STPG2: variants seen among roughly 807,000 people sequenced by gnomAD.
STPG2 encodes the protein sperm tail PG-rich repeat containing 2, also known as sperm-tail PG-rich repeat-containing protein 2.
Under a neutral mutation model 54.2 loss-of-function variants are expected in STPG2, and 56 were observed. That is an observed-to-expected ratio of 1.03 (90% CI 0.83 to 1.29). The LOEUF is 1.29. STPG2 is among the 50% of genes most tolerant of loss of function. STPG2 has a pLI of 0.00. For synonymous variants in STPG2, 200 were observed against 181.8 expected (o/e 1.10, Z -0.81); for missense variants, 596 against 544.9 (o/e 1.09, Z -0.93).
At chr4:97,533,221 C>G (rs1404067665) in intron 4 of STPG2, among the ~76,000 whole-genome samples, 1 of 151,972 alleles carries the variant, frequency 6.6e-6, no homozygotes, top group African/African-American at 2.4e-5. Context: ...AATATAATTA[C>G]ATAAAGAGTC....
intron 4 of STPG2, among the ~76,000 whole-genome samples, chr4:97,464,820 A>G (rs934183731): frequency 6.6e-6 from 1 of 152,178 alleles, no homozygotes; most frequent in African/African-American, 2.4e-5. Flanking sequence ...TTGCATAGGT[A>G]TATATCAACA....
chr4:97,605,832 T>A (rs1258749971), intron 10 of STPG2, among the ~76,000 whole-genome samples: 1 of 151,182 alleles, frequency 6.6e-6, no homozygotes, highest in East Asian at 1.9e-4. Context: ...AAAAAAAATC[T>A]GTGTTTAGAA....
intron 4 of STPG2, among the ~76,000 whole-genome samples, chr4:97,448,098 G>C (rs781775987): frequency 5.3e-5 from 8 of 152,134 alleles, no homozygotes; most frequent in Non-Finnish European, 8.8e-5. Flanking sequence ...ACTCACATGG[G>C]GCTTATAGCC....
At chr4:97,983,984 ACCT>A (rs1309829843) in intron 5 of STPG2, among the ~76,000 whole-genome samples, 1 of 152,046 alleles carries the variant, frequency 6.6e-6, no homozygotes, top group African/African-American at 2.4e-5. Context: ...GTCCTCTTTC[ACCT>A]CCTCCAATCC....
At chr4:97,442,911 G>A (rs1729126400) in intron 4 of STPG2, among the ~76,000 whole-genome samples, 1 of 152,058 alleles carries the variant, frequency 6.6e-6, no homozygotes, top group African/African-American at 2.4e-5. Context: ...TCATGTCTAG[G>A]AGATATTCTT....
At chr4:97,959,519 A>G (rs1011945580) in intron 7 of STPG2, among the ~76,000 whole-genome samples, 1 of 152,158 alleles carries the variant, frequency 6.6e-6, no homozygotes, top group Non-Finnish European at 1.5e-5. Context: ...AAAATGGGAC[A>G]TATTACAACT....
intron 5 of STPG2, among the ~76,000 whole-genome samples, chr4:98,105,172 C>A (rs1163323204): frequency 6.6e-6 from 1 of 152,092 alleles, no homozygotes; most frequent in Non-Finnish European, 1.5e-5. Context: ...TTATTCTGAC[C>A]AAAAGGCATC....
chr4:98,124,509 A>G (rs1204967452), intron 3 of STPG2, among the ~76,000 whole-genome samples: 2 of 151,996 alleles, frequency 1.3e-5, no homozygotes, highest in East Asian at 1.9e-4. Flanking sequence ...TTGGCCCCCA[A>G]TCTCTTCTAG....
At chr4:97,860,539 G>C (rs1335800374) in intron 8 of STPG2, among the ~76,000 whole-genome samples, 2 of 148,544 alleles carry the variant, frequency 1.3e-5, no homozygotes, top group East Asian at 3.9e-4. Context: ...TATTGCAACT[G>C]TTGTAAAAGG....
chr4:97,772,443 C>G (rs1003650320), intron 9 of STPG2, among the ~76,000 whole-genome samples: 1 of 151,998 alleles, frequency 6.6e-6, no homozygotes, highest in Non-Finnish European at 1.5e-5. Context: ...CAGTCAATAC[C>G]CTTTTTACCA....
At chr4:97,498,511 T>C (rs974550723) in intron 4 of STPG2, among the ~76,000 whole-genome samples, 1 of 151,846 alleles carries the variant, frequency 6.6e-6, no homozygotes, top group African/African-American at 2.4e-5. Flanking sequence ...AAAACAAGGA[T>C]GTTCACATTG....
At chr4:97,903,213 T>C (rs1355936128) in intron 8 of STPG2, among the ~76,000 whole-genome samples, 1 of 152,094 alleles carries the variant, frequency 6.6e-6, no homozygotes, top group Non-Finnish European at 1.5e-5. Context: ...TCTCAATTAT[T>C]CTAATTACAT....
chr4:97,970,764 T>A (rs977038302), intron 7 of STPG2, among the ~76,000 whole-genome samples: 3 of 152,080 alleles, frequency 2.0e-5, no homozygotes, highest in African/African-American at 7.2e-5. Flanking sequence ...GGACTTCATG[T>A]CTAAAACACC....
intron 9 of STPG2, among the ~76,000 whole-genome samples, chr4:97,800,804 C>T (rs1727370343): frequency 6.6e-6 from 1 of 152,160 alleles, no homozygotes; most frequent in African/African-American, 2.4e-5. Context: ...GGCAGGCAGG[C>T]CTCCTTGAGC....
intron 8 of STPG2, among the ~76,000 whole-genome samples, chr4:97,915,716 G>C (rs1171959156): frequency 3.9e-5 from 6 of 152,240 alleles, no homozygotes; most frequent in African/African-American, 1.4e-4. Context: ...TTAGGGCCCA[G>C]TGGAATTGTG....
chr4:97,566,283 G>A (rs1407196829), intron 10 of STPG2, among the ~76,000 whole-genome samples: 3 of 152,172 alleles, frequency 2.0e-5, no homozygotes, highest in Non-Finnish European at 2.9e-5. Flanking sequence ...TTTTAAGCCC[G>A]TTGGAAAAGC....
At chr4:97,774,626 T>C (rs1726320044) in intron 9 of STPG2, among the ~76,000 whole-genome samples, 1 of 152,140 alleles carries the variant, frequency 6.6e-6, no homozygotes, top group Admixed American at 6.5e-5. Flanking sequence ...CTCTTGGTGG[T>C]ACTTTGTTCA....
intron 9 of STPG2, among the ~76,000 whole-genome samples, chr4:97,771,836 T>A (rs1357120278): frequency 1.3e-5 from 2 of 152,172 alleles, no homozygotes; most frequent in Non-Finnish European, 2.9e-5. Flanking sequence ...GATATGGATG[T>A]GCAAAGGGAG....
At chr4:98,102,542 A>C (rs1425110103) in intron 5 of STPG2, among the ~76,000 whole-genome samples, 1 of 152,066 alleles carries the variant, frequency 6.6e-6, no homozygotes, top group Non-Finnish European at 1.5e-5. Flanking sequence ...GTTCCTCTTT[A>C]ATATAAACTA....
Sources: allele counts gnomAD v4.1 joint callset (sites outside exome capture counted in the v4.1 genomes callset), GRCh38; gene constraint gnomAD v4.1.1; transcripts MANE v1.5; gene names NCBI Gene and HGNC (gene_info 2026-07-23, HGNC 2026-07-21).